The following ROBO1 variants were observed in gnomAD, a reference collection of about 807,000 sequenced individuals.
ROBO1 encodes roundabout homolog 1.
A neutral mutation model predicts 195.9 loss-of-function variants in ROBO1; 149 were observed. The ratio of observed to expected loss-of-function variants is 0.76; its 90% CI spans 0.67 to 0.87. ROBO1 has a LOEUF of 0.87. Among genes scored for constraint, ROBO1 ranks in the 40% least tolerant of loss-of-function variants. ROBO1 has a pLI of 0.00. For missense variants in ROBO1, 1,933 were observed against 2,068.3 expected (o/e 0.93, Z 1.27); for synonymous variants, 816 against 733.2 (o/e 1.11, Z -1.82).
chr3:79,753,503 AGAGT>A (rs1426159620), intron 1 of ROBO1, among the ~76,000 whole-genome samples: 2 of 152,198 alleles, frequency 1.3e-5, no homozygotes, highest in African/African-American at 4.8e-5. Flanking sequence ...GTGATTTGCA[AGAGT>A]GTGTGCAAAA....
At chr3:79,546,287 C>T (rs929746815) in intron 2 of ROBO1, among the ~76,000 whole-genome samples, 3 of 152,050 alleles carry the variant, frequency 2.0e-5, no homozygotes, top group Non-Finnish European at 4.4e-5. Context: ...ATCGGTAAGG[C>T]TTCCAGTCAA....
intron 3 of ROBO1, among the ~76,000 whole-genome samples, chr3:78,945,975 A>T (rs200531298): frequency 9.6e-4 from 146 of 152,220 alleles, no homozygotes; most frequent in East Asian, 5.2e-3. Context: ...GAGAAAAAAA[A>T]AAAATAAAAA....
intron 4 of ROBO1, among the ~76,000 whole-genome samples, chr3:78,877,972 A>G (rs1324710498): frequency 3.9e-5 from 6 of 152,178 alleles, no homozygotes; most frequent in African/African-American, 1.4e-4. Flanking sequence ...TTGTGCAGGC[A>G]TCTGGCTTCC....
Position 79,251,557 on chromosome 3 carries a change from C to CCTGG in ROBO1, c.89-126022_89-126019dup, listed in dbSNP as rs2082730042. ...CACTAGGTCAGGAGATTCAGACCAT[C>CCTGG]CTGGCTAACACAGTGAAACCCCATC... On this transcript the variant is annotated intron_variant, in intron 2 of 30. Transcript: ENST00000464233. 6.6e-5 allele frequency among the ~76,000 whole-genome samples: 10 copies of CCTGG among 152,166 alleles called. No individual in the cohort carries two copies. In the South Asian group the frequency reaches 2.1e-3, roughly 32 times the overall value.
chr3:79,686,194 T>C (rs937196306), intron 1 of ROBO1, among the ~76,000 whole-genome samples: 5 of 152,148 alleles, frequency 3.3e-5, no homozygotes, highest in African/African-American at 1.2e-4. Context: ...AAACTCTCAA[T>C]AAATTAGGTA....
intron 2 of ROBO1, among the ~76,000 whole-genome samples, chr3:79,333,130 G>A (rs1235790782): frequency 6.6e-6 from 1 of 151,544 alleles, no homozygotes; most frequent in African/African-American, 2.4e-5. Context: ...TTGAACCTGA[G>A]AGGCGGAGGT....
intron 3 of ROBO1, among the ~76,000 whole-genome samples, chr3:78,964,501 C>CA (rs373167207): frequency 1.3e-3 from 201 of 151,062 alleles, no homozygotes; most frequent in African/African-American, 4.3e-3. Flanking sequence ...TAAATATGTC[C>CA]AAAAAAAAGG....
chr3:79,328,846 T>C (rs563713778), intron 2 of ROBO1, among the ~76,000 whole-genome samples: 8 of 152,090 alleles, frequency 5.3e-5, no homozygotes, highest in African/African-American at 1.9e-4. Flanking sequence ...ATCATTCTAA[T>C]GCCTTTGTGT....
intron 3 of ROBO1, among the ~76,000 whole-genome samples, chr3:78,984,721 A>G (rs2077067364): frequency 6.6e-6 from 1 of 152,162 alleles, no homozygotes; most frequent in African/African-American, 2.4e-5. Flanking sequence ...AGATGAGACT[A>G]TGTAGGCAAC....
chr3:79,311,130 A>T (rs1009223632), intron 2 of ROBO1, among the ~76,000 whole-genome samples: 1 of 152,194 alleles, frequency 6.6e-6, no homozygotes, highest in Admixed American at 6.5e-5. Context: ...AATACTGGGC[A>T]TTGACATCTT....
intron 2 of ROBO1, among the ~76,000 whole-genome samples, chr3:79,362,997 G>A (rs1455953804): frequency 6.6e-6 from 1 of 152,156 alleles, no homozygotes; most frequent in East Asian, 1.9e-4. Flanking sequence ...AGTCAGATTG[G>A]AAAGGGTACA....
At chr3:79,682,513 A>C (rs537724068) in intron 1 of ROBO1, among the ~76,000 whole-genome samples, 1 of 152,200 alleles carries the variant, frequency 6.6e-6, no homozygotes, top group African/African-American at 2.4e-5. Context: ...TATCAGATGC[A>C]TGTATCAATA....
Position 78,634,267 on chromosome 3 carries a change from T to C in ROBO1, c.3374-225A>G, listed in dbSNP as rs371149118. On this transcript the variant is annotated intron_variant, in intron 23 of 30. Transcript: ENST00000464233. ...CTTTAATAATATAATATCAATATGA[T>C]TTTAATAAGAATCACAAAAATGTCT... Among the ~76,000 whole-genome samples the C allele has an allele frequency of 2.0e-5, 3 of 151,744 alleles. No individual in the cohort carries two copies. In the East Asian group the frequency reaches 5.8e-4, roughly 29 times the overall value.
Position 79,035,034 on chromosome 3 carries a change from A to T in ROBO1, c.172+90422T>A, listed in dbSNP as rs149834443. ...AGAATAAAAATAAGAAAGATACAAT[A>T]TTTACAGAGTTACTAGAGTTATGTT... On this transcript the variant is annotated intron_variant, in intron 3 of 30. Coordinates refer to ENST00000464233, the MANE Select transcript of ROBO1 (RefSeq NM_002941.4). Among the ~76,000 whole-genome samples, 3 of 152,228 alleles carry T rather than the reference A, an allele frequency of 2.0e-5. No homozygotes were observed. In the East Asian group the frequency reaches 5.8e-4, roughly 29 times the overall value.
chr3:79,314,627 T>C (rs1253585055), intron 2 of ROBO1, among the ~76,000 whole-genome samples: 3 of 152,218 alleles, frequency 2.0e-5, no homozygotes, highest in Non-Finnish European at 4.4e-5. Flanking sequence ...AATGGACTAA[T>C]ACAAAGACTA....
At chr3:79,437,471 A>G (rs1559898846) in intron 2 of ROBO1, among the ~76,000 whole-genome samples, 1 of 151,974 alleles carries the variant, frequency 6.6e-6, no homozygotes, top group Non-Finnish European at 1.5e-5. Flanking sequence ...ATATATTAAG[A>G]AAGTATATTG....
chr3:79,625,589 A>C (rs1230714296), intron 1 of ROBO1, among the ~76,000 whole-genome samples: 2 of 152,044 alleles, frequency 1.3e-5, no homozygotes, highest in East Asian at 3.9e-4. Flanking sequence ...CCTCTATGCA[A>C]ATGAAGTAGA....
At chr3:79,740,202 AAT>A (rs1027758667) in intron 1 of ROBO1, among the ~76,000 whole-genome samples, 1 of 133,204 alleles carries the variant, frequency 7.5e-6, no homozygotes, top group African/African-American at 2.8e-5. Flanking sequence ...TCTGATAAAA[AAT>A]ATATATATTT....
chr3:79,299,437 C>A (rs1439109062), intron 2 of ROBO1, among the ~76,000 whole-genome samples: 4 of 152,132 alleles, frequency 2.6e-5, no homozygotes, highest in African/African-American at 7.2e-5. Context: ...GAATTCCTGA[C>A]AAATGTTGAA....
Sources: allele counts gnomAD v4.1 joint callset (sites outside exome capture counted in the v4.1 genomes callset), GRCh38; gene constraint gnomAD v4.1.1; transcripts MANE v1.5; gene names NCBI Gene and HGNC (gene_info 2026-07-23, HGNC 2026-07-21).